C16orf46: variants seen among roughly 807,000 people sequenced by gnomAD.
C16orf46 encodes the protein uncharacterized protein C16orf46.
C16orf46 carries 7 observed loss-of-function variants against 5.5 expected under a neutral mutation model. The ratio of observed to expected loss-of-function variants is 1.28; its 90% confidence interval spans 0.73 to 2.40. The LOEUF (loss-of-function observed/expected upper bound fraction) is 2.40. Among genes scored for constraint, C16orf46 ranks in the 30% most tolerant of loss-of-function variants. C16orf46 has a pLI of 0.00. For missense variants in C16orf46, 614 were observed against 476.0 expected (o/e 1.29, Z -2.70); for synonymous variants, 200 against 184.1 (o/e 1.09, Z -0.70).
At chr16:81,069,212 G>A (rs941905104) in intron 1 of C16orf46, among the ~76,000 whole-genome samples, 2 of 152,144 alleles carry the variant, frequency 1.3e-5, no homozygotes, top group Admixed American at 6.5e-5. Flanking sequence ...GAGGAGTACT[G>A]TCCGTCAGTC....
chr16:81,065,882 C>T (rs7194808), intron 2 of C16orf46, among the ~76,000 whole-genome samples: 10,083 of 151,508 alleles, frequency 0.067, 1,080 homozygotes, highest in African/African-American at 0.23. Flanking sequence ...CTCTGTTGCC[C>T]ATGCTGGAGT....
chr16:81,074,377 C>G (rs1315327482), intron 1 of C16orf46, among the ~76,000 whole-genome samples: 1 of 151,706 alleles, frequency 6.6e-6, no homozygotes, highest in East Asian at 1.9e-4. Context: ...AAAAGTGTAA[C>G]TCAATCTTTT....
At chr16:81,070,124 CA>C (rs945917743) in intron 1 of C16orf46, among the ~76,000 whole-genome samples, 20 of 134,174 alleles carry the variant, frequency 1.5e-4, no homozygotes, top group East Asian at 2.1e-4. Context: ...GACTCCATCT[CA>C]AAAAAAAAAA....
At position 81,067,209 on chromosome 16, in the gene C16orf46, C is replaced by T. The variant is rs529460208; in HGVS notation, c.-127-928G>A. ...TACCTTTTCTAGTAGCATTTAAAGA[C>T]AGATACAAAAAGGAAATGATCAGCC... On this transcript the variant is annotated intron_variant, in intron 1 of 3. Transcript: ENST00000299578. Among the ~76,000 whole-genome samples, 4 of 152,222 alleles carry T rather than the reference C, an allele frequency of 2.6e-5. No homozygotes were observed. In the South Asian group the frequency reaches 6.2e-4, roughly 24 times the overall value.
chr16:81,075,435 C>G (rs985049273), intron 1 of C16orf46, among the ~76,000 whole-genome samples: 2 of 152,048 alleles, frequency 1.3e-5, no homozygotes, highest in Non-Finnish European at 2.9e-5. Flanking sequence ...ACCGAAAATA[C>G]AAAAATTAGC....
In C16orf46 at chr16:81,063,966, C is replaced by G. The variant is rs774878821; in HGVS notation, c.-11G>C. On this transcript the variant is annotated 5_prime_UTR_variant, in exon 3 of 4. Transcript: ENST00000299578. ...CTGACAGAGATCCATTACTGTGATG[C>G]TTGCTTAAAGTTTTTAACATCTTCT... The G allele has an allele frequency of 2.5e-6, 4 of 1,591,642 alleles. No individual in the cohort carries two copies. The African/African-American group carries it at 5.4e-5, about 21-fold the overall frequency.
downstream of C16orf46, among the ~76,000 whole-genome samples, chr16:81,057,019 C>G (rs12927828): frequency 0.18 from 27,586 of 151,762 alleles, 3,669 homozygotes; most frequent in African/African-American, 0.37. Flanking sequence ...ATACATTTTT[C>G]GTTGTCATGA....
chr16:81,054,237 A>C (rs999699930), intron 3 of C16orf46: 2 of 524,388 alleles, frequency 3.8e-6, no homozygotes, highest in Non-Finnish European at 6.5e-6. Context: ...TTGGTAGATG[A>C]AACTAGTCTC....
Position 81,077,193 on chromosome 16 carries a change from A to G in C16orf46, c.-185T>C, listed in dbSNP as rs1284680908. ...CAGCTAGTCCCGGCCTACTGGCAAG[A>G]GCTACTCAGGTCGCTGCCGGATGGG... On this transcript the variant is annotated 5_prime_UTR_variant, in exon 1 of 4. Coordinates refer to ENST00000299578, the MANE Select transcript of C16orf46 (RefSeq NM_152337.3). 1 of 152,264 alleles carries G rather than the reference A, an allele frequency of 6.6e-6. No homozygotes were observed. Among genetic ancestry groups the G allele is most frequent in the African/African-American group, 2.4e-5 (1 of 41,450 alleles). 9.4% of individuals were successfully genotyped at this position (152,264 alleles called of 1,614,324 possible).
chr16:81,059,704 G>A (rs1256644169), downstream of C16orf46, among the ~76,000 whole-genome samples: 7 of 152,140 alleles, frequency 4.6e-5, no homozygotes, highest in South Asian at 1.4e-3. Context: ...CTGGGGTTGA[G>A]GGTTTCCAAA....
In C16orf46 at chr16:81,063,739, T is replaced by C. The variant is rs145529126; in HGVS notation, c.210+7A>G. On this transcript the variant is annotated splice_region_variant and intron_variant, in intron 3 of 3. Transcript: ENST00000299578. ...ACAGAAAAGCTGTGACTCAGAAAGA[T>C]ACTCACTGCCTCTTCCCATCCAGTT... The C allele has an allele frequency of 1.8e-4, 295 of 1,606,096 alleles. 1 individual carries two copies. In the African/African-American group the frequency reaches 3.5e-3, roughly 19 times the overall value.
At position 81,061,300 on chromosome 16, in the gene C16orf46, G is replaced by A. The variant is rs1474499566; in HGVS notation, c.1049C>T (p.Thr350Ile). The A allele has an allele frequency of 6.8e-6, 11 of 1,613,992 alleles. No homozygotes were observed. The highest frequency in any genetic ancestry group is 6.7e-5 in the Admixed American group (4 of 59,986). The change falls in exon 4 of 4, where the codon ACC (threonine) becomes ATC (isoleucine). Residue 350 changes from threonine to isoleucine, a missense_variant. Coordinates refer to ENST00000299578, the MANE Select transcript of C16orf46 (RefSeq NM_152337.3). ...KAKEPRSPVITRKHVLPKAKQ... is the reference protein window; with the variant it reads ...KAKEPRSPVIIRKHVLPKAKQ... ...GGCCTTTGGGAGAACATGCTTTCGGGTGATCACAGGAGATCTTGGCTCCTT... is the reference window on the plus strand; with the variant it reads ...GGCCTTTGGGAGAACATGCTTTCGGATGATCACAGGAGATCTTGGCTCCTT...
intron 2 of C16orf46, among the ~76,000 whole-genome samples, chr16:81,065,924 T>A (rs1461979783): frequency 4.0e-5 from 6 of 151,518 alleles, no homozygotes; most frequent in Non-Finnish European, 8.8e-5. Flanking sequence ...ACTGACAAAA[T>A]TTACTGGAGT....
chr16:81,069,646 C>A (rs1362211135), intron 1 of C16orf46, among the ~76,000 whole-genome samples: 1 of 152,144 alleles, frequency 6.6e-6, no homozygotes, highest in Non-Finnish European at 1.5e-5. Flanking sequence ...CCACATTAAT[C>A]TGGTATCATT....
At position 81,068,435 on chromosome 16, in the gene C16orf46, T is replaced by A. The variant is rs545238660; in HGVS notation, c.-127-2154A>T. 9.9e-5 allele frequency among the ~76,000 whole-genome samples: 15 copies of A among 152,262 alleles called. No individual in the cohort carries two copies. The South Asian group carries it at 3.1e-3, about 32-fold the overall frequency. On this transcript the variant is annotated intron_variant, in intron 1 of 3. Coordinates refer to ENST00000299578, the MANE Select transcript of C16orf46 (RefSeq NM_152337.3). ...GTAACACTGCCCAAAGAAAAACCTA[T>A]GTGGAAAGAGACCACCCGACCAAGA... is the stretch of plus-strand genomic sequence containing the variant.
At chr16:81,056,198 G>T (rs1216893710), downstream of C16orf46, 1 of 152,174 alleles carries the variant, frequency 6.6e-6, no homozygotes, top group Non-Finnish European at 1.5e-5. Context: ...CAGTGAGTGT[G>T]GAAAAGTGAG....
At chr16:81,055,760 C>T (rs888222175) in intron 3 of C16orf46, among the ~76,000 whole-genome samples, 9 of 152,166 alleles carry the variant, frequency 5.9e-5, no homozygotes, top group African/African-American at 1.9e-4. Context: ...CGCTCTGTCA[C>T]CCAAGCTGGA....
rs774111865 is a variant in C16orf46 at position 81,071,842 on chromosome 16, G to A, written c.-128+5294C>T. On this transcript the variant is annotated intron_variant, in intron 1 of 3. Coordinates refer to ENST00000299578, the MANE Select transcript of C16orf46 (RefSeq NM_152337.3). ...AAAAAAATGCAGGAAGGTGAGGAAC[G>A]TTCCGGGATCACTGTGAGAGACAGC... Among the ~76,000 whole-genome samples, 7 of 152,314 alleles carry A rather than the reference G, an allele frequency of 4.6e-5. No homozygotes were observed. The South Asian group carries it at 6.2e-4, about 14-fold the overall frequency.
At chr16:81,064,220 C>G (rs576326777) in intron 2 of C16orf46, among the ~76,000 whole-genome samples, 1 of 152,054 alleles carries the variant, frequency 6.6e-6, no homozygotes, top group Admixed American at 6.6e-5. Flanking sequence ...CCAGTCTCTA[C>G]TAAAAATAAG....
Sources: allele counts gnomAD v4.1 joint callset (sites outside exome capture counted in the v4.1 genomes callset), GRCh38; gene constraint gnomAD v4.1.1; transcripts MANE v1.5; gene names NCBI Gene and HGNC (gene_info 2026-07-23, HGNC 2026-07-21).